Variants in RC3H1 observed in about 807,000 individuals in gnomAD.
RC3H1 encodes the protein ring finger and CCCH-type domains 1.
RC3H1 carries 50 observed loss-of-function variants against 138.2 expected under a neutral mutation model. The ratio of observed to expected loss-of-function variants is 0.36; its 90% CI spans 0.29 to 0.46. The LOEUF is 0.46. Among genes scored for constraint, RC3H1 ranks in the 20% least tolerant of loss-of-function variants. The pLI is 1.00. For missense variants in RC3H1, 1,031 were observed against 1,388.1 expected, an observed-to-expected ratio of 0.74 and a Z score of 4.09; for synonymous variants, 462 against 489.1, an observed-to-expected ratio of 0.94 and a Z score of 0.73.
At chr1:173,991,397 G>C (rs1661282450) in intron 2 of RC3H1, among the ~76,000 whole-genome samples, 1 of 152,076 alleles carries the variant, frequency 6.6e-6, no homozygotes, top group African/African-American at 2.4e-5. Flanking sequence ...CTATATATAA[G>C]ACCATGTCAT....
chr1:173,951,330 C>T lies in RC3H1; in HGVS notation c.2523+656G>A, dbSNP rs531001615. Among the ~76,000 whole-genome samples, 3 of 151,564 alleles carry T rather than the reference C, an allele frequency of 2.0e-5. No homozygotes were observed. In the East Asian group the frequency reaches 5.8e-4, roughly 29 times the overall value. On this transcript the variant is annotated intron_variant, in intron 14 of 19. Coordinates refer to ENST00000367696, the MANE Select transcript of RC3H1 (RefSeq NM_172071.4). ...ACAAGAGTGAAACTCCATCCCCCCC[C>T]CAAAAAAAGAGATAAGATTTTGATA...
intron 1 of RC3H1, among the ~76,000 whole-genome samples, chr1:174,007,885 G>A (rs1571241599): frequency 6.6e-6 from 1 of 152,284 alleles, no homozygotes; most frequent in East Asian, 1.9e-4. Context: ...TTGGAGCAAT[G>A]ATGACTTGTA....
intron 2 of RC3H1, among the ~76,000 whole-genome samples, chr1:173,986,835 A>G (rs1468938582): frequency 3.3e-5 from 5 of 152,174 alleles, no homozygotes; most frequent in Admixed American, 2.6e-4. Context: ...AAGCGCTGGG[A>G]TTACAGGTGT....
In RC3H1 at chr1:173,980,898, C is replaced by A. The variant is rs1184222135; in HGVS notation, c.880G>T (p.Ala294Ser). 3.1e-6 allele frequency: 5 copies of A among 1,614,120 alleles called. No homozygotes were observed. The highest frequency in any genetic ancestry group is 4.2e-6 in the Non-Finnish European group (5 of 1,179,966). The part of the protein sequence containing the change: ...DSQIVQIAME[A>S]GLRIAPDQWS... Reference sequence around the variant, plus strand: ...TGGTCCGGTGCAATTCGTAAGCCTGCTTCCATAGCAATCTGCACTATCTGG... The same window carrying A: ...TGGTCCGGTGCAATTCGTAAGCCTGATTCCATAGCAATCTGCACTATCTGG... The change falls in exon 6 of 20, where the codon GCA (alanine) becomes TCA (serine). Residue 294 changes from alanine (A) to serine (S), a missense_variant. Ala to Ser is a moderately conservative substitution (Grantham distance 99). Coordinates refer to ENST00000367696, the MANE Select transcript of RC3H1 (RefSeq NM_172071.4).
chr1:173,965,176 A>C, intron 9 of RC3H1, 56 bp from the exon 10 acceptor site: 7 of 1,388,710 alleles, frequency 5.0e-6, no homozygotes, highest in Non-Finnish European at 6.9e-6. Context: ...AAAACCAAGA[A>C]CTAAAATGTA....
chr1:173,936,974 A>G lies in RC3H1; in HGVS notation c.*1747T>C, dbSNP rs918713387. 2 of 147,728 alleles carry G rather than the reference A, an allele frequency of 1.4e-5. No individual in the cohort carries two copies. The highest frequency in any genetic ancestry group is 1.4e-4 in the Admixed American group (2 of 14,788). 9.2% of individuals were successfully genotyped at this position (147,728 alleles called of 1,614,324 possible). On this transcript the variant is annotated 3_prime_UTR_variant, in exon 20 of 20. Transcript: ENST00000367696. ...ATATATAATATATATATAAATTTTT[A>G]TTTAAATAAAAAAGAAAGCTCGAAT...
Position 173,946,836 on chromosome 1 carries a change from T to C in RC3H1, c.2738A>G (p.Asp913Gly). 4 of 1,577,570 alleles carry C rather than the reference T, an allele frequency of 2.5e-6. No homozygotes were observed. The highest frequency in any genetic ancestry group is 3.5e-6 in the Non-Finnish European group (4 of 1,146,792). ...GAPTKSINIS[D>G]YSPYGTHGGW... Reference sequence around the variant, plus strand: ...ACCGTGGGTTCCATATGGACTATAATCTGTAAGAGAATGATTTATTATGGT... The same window carrying C: ...ACCGTGGGTTCCATATGGACTATAACCTGTAAGAGAATGATTTATTATGGT... The change falls in exon 16 of 20, where the codon GAT (aspartate) becomes GGT (glycine). Residue 913 changes from aspartate to glycine, a missense_variant and splice_region_variant. This residue lies in a region of RC3H1 where 716 missense variants were observed against 837.9 expected (regional missense o/e 0.85). Transcript: ENST00000367696.
At chr1:174,021,854 C>A (rs897348000) in intron 1 of RC3H1, among the ~76,000 whole-genome samples, 17 of 152,244 alleles carry the variant, frequency 1.1e-4, no homozygotes, top group Admixed American at 9.2e-4. Context: ...GCCTACCTAC[C>A]CCGACAGGCC....
chr1:173,947,594 G>A lies in RC3H1; in HGVS notation c.2524-12C>T. The A allele has an allele frequency of 6.2e-7, 1 of 1,607,666 alleles. No individual in the cohort carries two copies. The highest frequency in any genetic ancestry group is 8.5e-7 in the Non-Finnish European group (1 of 1,174,614). Reference sequence around the variant, plus strand: ...TTACTCTCCACATTCTGATAAAAAAGCAAAATGAGAAATTACCCCACACTC... The same window carrying A: ...TTACTCTCCACATTCTGATAAAAAAACAAAATGAGAAATTACCCCACACTC... On this transcript the variant is annotated splice_polypyrimidine_tract_variant and intron_variant, in intron 14 of 19. Transcript: ENST00000367696.
At chr1:173,995,292 G>A (rs1467508311) in intron 1 of RC3H1, among the ~76,000 whole-genome samples, 1 of 152,108 alleles carries the variant, frequency 6.6e-6, no homozygotes, top group Non-Finnish European at 1.5e-5. Context: ...CCAGCACTTT[G>A]GGAGGACGAG....
intron 12 of RC3H1, 125 bp from the exon 13 acceptor site, chr1:173,961,369 C>G (rs1183512020): frequency 1.3e-6 from 1 of 798,594 alleles, no homozygotes; most frequent in Non-Finnish European, 1.9e-6. Context: ...TTTGGAAACA[C>G]CAACACTTAA....
At chr1:173,971,753 A>T (rs542433861) in intron 8 of RC3H1, among the ~76,000 whole-genome samples, 1 of 152,294 alleles carries the variant, frequency 6.6e-6, no homozygotes, top group African/African-American at 2.4e-5. Context: ...AGGTTAGGAA[A>T]ATCATATCCA....
At chr1:173,962,217 G>T in intron 11 of RC3H1, 122 bp from the exon 12 acceptor site, 1 of 956,244 alleles carries the variant, frequency 1.0e-6, no homozygotes, top group Non-Finnish European at 1.5e-6. Context: ...TTCTTTACGA[G>T]TTTTCCATCT....
intron 1 of RC3H1, 114 bp from the exon 2 acceptor site, chr1:173,993,249 C>A (rs936219691): frequency 2.3e-6 from 1 of 429,724 alleles, no homozygotes; most frequent in African/African-American, 2.0e-5. Flanking sequence ...ATTTGTATCA[C>A]TGTAATCCAT....
intron 1 of RC3H1, among the ~76,000 whole-genome samples, chr1:174,014,445 TATAA>T (rs1422124499): frequency 1.3e-5 from 2 of 152,104 alleles, no homozygotes; most frequent in Admixed American, 1.3e-4. Flanking sequence ...CATAGGCCCA[TATAA>T]ATAGACTGAT....
At chr1:174,003,483 G>A (rs1418401763) in intron 1 of RC3H1, among the ~76,000 whole-genome samples, 3 of 150,802 alleles carry the variant, frequency 2.0e-5, no homozygotes, top group Non-Finnish European at 2.9e-5. Context: ...CTCATCAATC[G>A]CCATGTACAT....
chr1:173,995,186 T>A (rs190419434), intron 1 of RC3H1, among the ~76,000 whole-genome samples: 1 of 152,156 alleles, frequency 6.6e-6, no homozygotes, highest in Non-Finnish European at 1.5e-5. Flanking sequence ...ATGTGTGGTA[T>A]AGATTCTAGG....
intron 4 of RC3H1, 28 bp from the exon 5 acceptor site, chr1:173,982,930 T>A (rs199852976): frequency 4.9e-4 from 785 of 1,587,038 alleles, no homozygotes; most frequent in Middle Eastern, 6.7e-4. Context: ...AAACCAAAAT[T>A]TATCAAGTAC....
Position 173,933,034 on chromosome 1 carries a change from C to T in RC3H1, c.*5687G>A, listed in dbSNP as rs996620173. 3.3e-5 allele frequency: 5 copies of T among 151,736 alleles called. No individual in the cohort carries two copies. The highest frequency in any genetic ancestry group is 1.2e-4 in the African/African-American group (5 of 41,300). 9.4% of individuals were successfully genotyped at this position (151,736 alleles called of 1,614,324 possible). The stretch of plus-strand genomic sequence containing the variant: ...AATCTGAAACAGTAAGACCTCAATA[C>T]AAGAAAACAAGTCACCTTATCTAGT... On this transcript the variant is annotated 3_prime_UTR_variant, in exon 20 of 20. Transcript: ENST00000367696.
Sources: allele counts gnomAD v4.1 joint callset (sites outside exome capture counted in the v4.1 genomes callset), GRCh38; gene constraint gnomAD v4.1.1; regional missense constraint gnomAD v4.1.1; transcripts MANE v1.5; gene names NCBI Gene and HGNC (gene_info 2026-07-23, HGNC 2026-07-21).